Variants in CLDN16 observed in about 807,000 individuals in gnomAD.
CLDN16 encodes the protein claudin-16.
CLDN16 carries 13 observed loss-of-function variants against 24.6 expected under a neutral mutation model. The ratio of observed to expected loss-of-function variants is 0.53; its 90% CI spans 0.34 to 0.84. The LOEUF is 0.84. CLDN16 is among the 40% of genes least tolerant of loss of function. CLDN16 has a pLI of 0.01. For missense variants in CLDN16, 298 were observed against 292.7 expected (o/e 1.02, Z -0.13); for synonymous variants, 116 against 106.7 (o/e 1.09, Z -0.54).
At chr3:190,408,538 C>A in intron 4 of CLDN16, 33 bp downstream of exon 4, 3 of 1,584,026 alleles carry the variant, frequency 1.9e-6, no homozygotes, top group Non-Finnish European at 2.6e-6. Context: ...AATTTCCTTG[C>A]CTCCACTATC....
At chr3:190,344,605 T>C (rs1312455268) in intron 1 of CLDN16, among the ~76,000 whole-genome samples, 1 of 152,000 alleles carries the variant, frequency 6.6e-6, no homozygotes, top group Admixed American at 6.6e-5. Flanking sequence ...ATGTATACTT[T>C]TAGTCGACAC....
chr3:190,344,520 G>T lies in CLDN16; in HGVS notation n.121+21859G>T, dbSNP rs200095599. 2.0e-5 allele frequency among the ~76,000 whole-genome samples: 3 copies of T among 151,616 alleles called. No individual in the cohort carries two copies. In the East Asian group the frequency reaches 5.8e-4, roughly 29 times the overall value. On this transcript the variant is annotated intron_variant and non_coding_transcript_variant, in intron 1 of 4. Transcript: ENST00000468220. ...TTCATAATTATACATAGTACATACT[G>T]TATTACATACTATGTATTCTGTAAA...
intron 1 of CLDN16, among the ~76,000 whole-genome samples, chr3:190,351,821 G>A (rs951245598): frequency 9.9e-5 from 15 of 151,992 alleles, no homozygotes; most frequent in African/African-American, 3.1e-4. Context: ...TTATCTATTA[G>A]CATTCTAAAA....
the CLDN16 span, among the ~76,000 whole-genome samples, chr3:190,304,983 C>G: frequency 6.6e-6 from 1 of 152,186 alleles, no homozygotes; most frequent in Non-Finnish European, 1.5e-5. Context: ...TTTTCAGGAG[C>G]ACCAAGATAC....
intron 1 of CLDN16, among the ~76,000 whole-genome samples, chr3:190,354,440 T>C (rs1284207101): frequency 6.6e-6 from 1 of 151,976 alleles, no homozygotes; most frequent in East Asian, 1.9e-4. Flanking sequence ...AATTACTTTA[T>C]ATAAAAAGGG....
Position 190,335,026 on chromosome 3 carries a change from T to TTTTC in CLDN16, n.121+12368_121+12369insCTTT, listed in dbSNP as rs751790755. 9.7e-4 allele frequency among the ~76,000 whole-genome samples: 78 copies of TTTTC among 80,294 alleles called. 1 individual carries two copies. Among genetic ancestry groups the TTTTC allele is most frequent in the South Asian group, 3.9e-4 (1 of 2,562 alleles). The allele number at this position is 80,294 out of a possible 152,430, so 52.7% of individuals were successfully genotyped here. On this transcript the variant is annotated intron_variant and non_coding_transcript_variant, in intron 1 of 4. Coordinates refer to the CLDN16 transcript ENST00000468220. ...CTTTTCTTTCCTTTTCTTTTTTCTT[T>TTTTC]TTTTTTTTTTTTGTTTGTTGTGTTT...
At chr3:190,295,818 T>A in the CLDN16 span, among the ~76,000 whole-genome samples, 1 of 152,208 alleles carries the variant, frequency 6.6e-6, no homozygotes, top group African/African-American at 2.4e-5. Flanking sequence ...ATATTAAATG[T>A]ATATGTTCAT....
At chr3:190,311,921 C>T in the CLDN16 span, among the ~76,000 whole-genome samples, 4 of 150,954 alleles carry the variant, frequency 2.6e-5, no homozygotes, top group African/African-American at 7.3e-5. Context: ...TCAATCAACA[C>T]TTGAATTAAA....
intron 1 of CLDN16, among the ~76,000 whole-genome samples, chr3:190,336,186 C>T (rs1274605831): frequency 6.6e-6 from 1 of 152,132 alleles, no homozygotes; most frequent in African/African-American, 2.4e-5. Context: ...TTTAAAGAGA[C>T]TTTTCTCACT....
intron 1 of CLDN16, among the ~76,000 whole-genome samples, chr3:190,324,993 C>T (rs1214868999): frequency 6.6e-6 from 1 of 152,182 alleles, no homozygotes; most frequent in Non-Finnish European, 1.5e-5. Flanking sequence ...GCTATGTACC[C>T]TCAGACAAAT....
intron 1 of CLDN16, among the ~76,000 whole-genome samples, chr3:190,369,193 A>T (rs1470448572): frequency 1.3e-5 from 2 of 151,940 alleles, no homozygotes; most frequent in African/African-American, 2.4e-5. Flanking sequence ...TGCCATATGC[A>T]AGTCTAATTT....
At chr3:190,375,872 C>A (rs781649674) in intron 3 of CLDN16, among the ~76,000 whole-genome samples, 4 of 104,520 alleles carry the variant, frequency 3.8e-5, no homozygotes, top group Non-Finnish European at 8.0e-5. Context: ...AACATTCACA[C>A]CCCTCCCCCC....
chr3:190,385,043 G>T (rs551391308), upstream of CLDN16, among the ~76,000 whole-genome samples: 6 of 152,118 alleles, frequency 3.9e-5, no homozygotes, highest in South Asian at 1.2e-3. Flanking sequence ...TCCTGCTTCT[G>T]GTCCACTCAC....
At chr3:190,380,403 T>C (rs531540366) in intron 3 of CLDN16, among the ~76,000 whole-genome samples, 21 of 152,178 alleles carry the variant, frequency 1.4e-4, no homozygotes, top group African/African-American at 4.8e-4. Context: ...TAACTGAAGA[T>C]ATCAATTTGG....
chr3:190,324,340 G>A (rs201807704), intron 1 of CLDN16, among the ~76,000 whole-genome samples: 3 of 152,056 alleles, frequency 2.0e-5, no homozygotes, highest in Admixed American at 6.5e-5. Context: ...AAAATTAGCC[G>A]GGCATGGTGG....
At chr3:190,380,931 G>A (rs1378950549) in intron 3 of CLDN16, among the ~76,000 whole-genome samples, 1 of 152,046 alleles carries the variant, frequency 6.6e-6, no homozygotes, top group Non-Finnish European at 1.5e-5. Context: ...CAGGGTTCCC[G>A]GTACCAGAGC....
At chr3:190,358,660 C>A (rs1717824936) in intron 1 of CLDN16, among the ~76,000 whole-genome samples, 1 of 150,398 alleles carries the variant, frequency 6.6e-6, no homozygotes, top group Non-Finnish European at 1.5e-5. Context: ...ACTTTTCCTG[C>A]AAAATTAAAA....
chr3:190,342,232 A>C (rs960219563), intron 1 of CLDN16, among the ~76,000 whole-genome samples: 1 of 152,158 alleles, frequency 6.6e-6, no homozygotes, highest in African/African-American at 2.4e-5. Flanking sequence ...CATGCTGCTG[A>C]TAAGGACATA....
chr3:190,388,026 A>G (rs2108657920), upstream of CLDN16: 2 of 1,222,888 alleles, frequency 1.6e-6, no homozygotes, highest in Non-Finnish European at 2.3e-6. Flanking sequence ...CAGTTGGGTC[A>G]GAAAACGTTA....
Sources: gnomAD v4.1 joint callset for allele counts (sites outside exome capture counted in the v4.1 genomes callset) on GRCh38, gnomAD v4.1.1 for gene constraint, MANE v1.5 for transcripts, NCBI Gene and HGNC (gene_info 2026-07-23, HGNC 2026-07-21) for gene names.